The following PKIB variants were observed in gnomAD, a reference collection of about 807,000 sequenced individuals.
PKIB encodes PKI-beta.
In PKIB, 2 loss-of-function variants were observed where a neutral mutation model predicts 4.5. That is an observed-to-expected ratio of 0.44 (90% confidence interval 0.18 to 1.39). PKIB has a LOEUF of 1.39. Among genes scored for constraint, PKIB ranks in the 40% most tolerant of loss-of-function variants. The pLI is 0.27. For synonymous variants in PKIB, 38 were observed against 36.0 expected (o/e 1.06, Z -0.20); for missense variants, 94 against 92.6 (o/e 1.02, Z -0.06).
intron 1 of PKIB, among the ~76,000 whole-genome samples, chr6:122,472,605 C>T (rs1775336251): frequency 6.6e-6 from 1 of 152,092 alleles, no homozygotes. Context: ...ACAGCTCAAA[C>T]TTGAAATAGT....
At chr6:122,527,724 G>A (rs539134214) in intron 2 of PKIB, among the ~76,000 whole-genome samples, 5 of 152,238 alleles carry the variant, frequency 3.3e-5, no homozygotes, top group African/African-American at 9.6e-5. Flanking sequence ...GATGATAAAG[G>A]TTGAAATATT....
chr6:122,672,276 C>T (rs1777495841), intron 2 of PKIB, among the ~76,000 whole-genome samples: 1 of 152,136 alleles, frequency 6.6e-6, no homozygotes, highest in Admixed American at 6.5e-5. Context: ...AGCAGTTCTG[C>T]TTGCATCCAT....
intron 3 of PKIB, among the ~76,000 whole-genome samples, chr6:122,594,332 C>T (rs550866143): frequency 3.9e-5 from 6 of 151,956 alleles, no homozygotes; most frequent in South Asian, 2.1e-4. Context: ...CTCAGCCTCC[C>T]GAAAGCTGAG....
chr6:122,698,417 T>A (rs1015328264), intron 3 of PKIB, among the ~76,000 whole-genome samples: 14 of 152,128 alleles, frequency 9.2e-5, no homozygotes, highest in Admixed American at 3.9e-4. Flanking sequence ...GCTGCTCCAA[T>A]GCATTACCAG....
At chr6:122,529,697 T>A (rs1777198458) in intron 2 of PKIB, among the ~76,000 whole-genome samples, 1 of 152,192 alleles carries the variant, frequency 6.6e-6, no homozygotes, top group Non-Finnish European at 1.5e-5. Flanking sequence ...ATGTTTTTGC[T>A]GGATACAGTA....
At chr6:122,588,797 A>G (rs374832850) in intron 3 of PKIB, among the ~76,000 whole-genome samples, 25 of 152,200 alleles carry the variant, frequency 1.6e-4, no homozygotes, top group African/African-American at 6.0e-4. Flanking sequence ...TCATGTAGAT[A>G]TATAAATTTC....
At chr6:122,622,832 G>C (rs572699497) in intron 1 of PKIB, among the ~76,000 whole-genome samples, 2 of 149,372 alleles carry the variant, frequency 1.3e-5, no homozygotes, top group Non-Finnish European at 3.0e-5. Context: ...TTCTCTGAAC[G>C]TGCAAGTGAT....
At chr6:122,498,563 C>T (rs1251928583) in intron 2 of PKIB, among the ~76,000 whole-genome samples, 2 of 152,130 alleles carry the variant, frequency 1.3e-5, no homozygotes, top group African/African-American at 4.8e-5. Flanking sequence ...TGGGATGCAG[C>T]AAAAGCAATG....
chr6:122,687,145 A>G (rs1195620000), intron 3 of PKIB, among the ~76,000 whole-genome samples: 1 of 152,198 alleles, frequency 6.6e-6, no homozygotes, highest in Non-Finnish European at 1.5e-5. Flanking sequence ...ATTTTTGTGT[A>G]TGGCAAGAGA....
intron 2 of PKIB, among the ~76,000 whole-genome samples, chr6:122,494,564 T>C (rs1316867594): frequency 6.6e-6 from 1 of 152,178 alleles, no homozygotes; most frequent in East Asian, 1.9e-4. Context: ...AATTTTGTGG[T>C]TCCAGAACAG....
intron 1 of PKIB, among the ~76,000 whole-genome samples, chr6:122,622,603 C>T (rs541649058): frequency 1.3e-4 from 20 of 152,278 alleles, no homozygotes; most frequent in Admixed American, 9.8e-4. Context: ...CTAGGTCAGA[C>T]GCAGCCCTGT....
intron 3 of PKIB, among the ~76,000 whole-genome samples, chr6:122,679,205 C>T (rs939710542): frequency 1.3e-5 from 2 of 152,148 alleles, no homozygotes; most frequent in African/African-American, 4.8e-5. Flanking sequence ...GAAGCACAAA[C>T]GTGCAGTGAC....
chr6:122,722,998 G>T (rs958178949), intron 4 of PKIB, among the ~76,000 whole-genome samples: 1 of 152,058 alleles, frequency 6.6e-6, no homozygotes, highest in Non-Finnish European at 1.5e-5. Flanking sequence ...ACAGATGATT[G>T]TCACTCTTTC....
intron 3 of PKIB, among the ~76,000 whole-genome samples, chr6:122,602,625 G>T (rs1032020047): frequency 2.6e-5 from 4 of 151,922 alleles, no homozygotes; most frequent in Admixed American, 6.6e-5. Context: ...GTATCAATAG[G>T]GTAAGTTGGC....
At chr6:122,576,668 C>CA (rs71867898) in intron 2 of PKIB, among the ~76,000 whole-genome samples, 14 of 12,018 alleles carry the variant, frequency 1.2e-3, no homozygotes, top group African/African-American at 2.2e-3. Context: ...GACTCCATCT[C>CA]AAAAAAAAAA....
upstream of PKIB, chr6:122,471,928 C>T: frequency 7.6e-7 from 1 of 1,313,686 alleles, no homozygotes; most frequent in Non-Finnish European, 1.0e-6. Flanking sequence ...ACTGCGCATG[C>T]GCGTCACTAG....
At chr6:122,648,341 G>A (rs1351072211) in intron 2 of PKIB, among the ~76,000 whole-genome samples, 1 of 152,148 alleles carries the variant, frequency 6.6e-6, no homozygotes, top group East Asian at 1.9e-4. Context: ...TTGGATTCAC[G>A]AATTCTGGCA....
intron 3 of PKIB, among the ~76,000 whole-genome samples, chr6:122,690,386 C>T (rs7383321): frequency 0.99 from 150,449 of 152,176 alleles, 74,390 homozygotes; most frequent in Middle Eastern, 1. Context: ...AATTTCTTAC[C>T]TTCTATTTTT....
At chr6:122,570,892 T>C (rs1292878994) in intron 2 of PKIB, among the ~76,000 whole-genome samples, 1 of 152,006 alleles carries the variant, frequency 6.6e-6, no homozygotes, top group African/African-American at 2.4e-5. Flanking sequence ...CAAAAATTGC[T>C]TCAAACCAAG....
Sources: gnomAD v4.1 joint callset for allele counts (sites outside exome capture counted in the v4.1 genomes callset) on GRCh38, gnomAD v4.1.1 for gene constraint, MANE v1.5 for transcripts, NCBI Gene and HGNC (gene_info 2026-07-23, HGNC 2026-07-21) for gene names.